The following NFX1 variants were observed in gnomAD, a reference collection of about 807,000 sequenced individuals.
NFX1 encodes the protein transcriptional repressor NF-X1.
NFX1 carries 69 observed loss-of-function variants against 137.2 expected under a neutral mutation model. The ratio of observed to expected loss-of-function variants is 0.50; its 90% CI spans 0.41 to 0.61. The LOEUF (loss-of-function observed/expected upper bound fraction) is 0.61. Among genes scored for constraint, NFX1 ranks in the 20% least tolerant of loss-of-function variants. NFX1 has a pLI of 0.00. For missense variants in NFX1, 1,167 were observed against 1,391.0 expected (o/e 0.84, Z 2.56); for synonymous variants, 495 against 474.1 (o/e 1.04, Z -0.57).
At chr9:33,364,580 A>T in intron 20 of NFX1, 128 bp from the exon 21 acceptor site, 1 of 1,067,494 alleles carries the variant, frequency 9.4e-7, no homozygotes, top group Non-Finnish European at 1.3e-6. Flanking sequence ...GTTTTCTGAC[A>T]ATTCCTGATC....
At chr9:33,329,644 C>CT (rs58553141) in intron 10 of NFX1, among the ~76,000 whole-genome samples, 6 of 146,422 alleles carry the variant, frequency 4.1e-5, no homozygotes, top group Admixed American at 1.4e-4. Flanking sequence ...TTTTATTTTT[C>CT]TTTTTTTTTT....
In NFX1 at chr9:33,295,305, A is replaced by G. The variant is rs913856893; in HGVS notation, c.911A>G (p.Asn304Ser). ...GACAGTGAGAACTTGGCAGTCATCA[A>G]CAAGTCTTCCAGGAGGGTTGACCAA... ...TCDSENLAVI[N>S]KSSRRVDQEK... Residue 304 changes from asparagine to serine, a missense_variant, in exon 2 of 24, where the codon AAC (asparagine) becomes AGC (serine). Physicochemically the swap from Asn to Ser is conservative, Grantham distance 46. Around this residue, in one of 3 missense-constraint regions of NFX1, gnomAD observed 367 missense variants for 386.7 expected, o/e 0.95. Transcript: ENST00000379540. 1.5e-5 allele frequency: 25 copies of G among 1,614,100 alleles called. No homozygotes were observed. The highest frequency in any genetic ancestry group is 2.1e-5 in the Non-Finnish European group (25 of 1,180,036).
chr9:33,338,040 C>CA lies in NFX1; in HGVS notation c.2036-470_2036-469insA, dbSNP rs1823074198. 2.7e-5 allele frequency among the ~76,000 whole-genome samples: 4 copies of CA among 150,176 alleles called. No homozygotes were observed. The South Asian group carries it at 8.4e-4, about 32-fold the overall frequency. On this transcript the variant is annotated intron_variant, in intron 11 of 23. Transcript: ENST00000379540. The stretch of plus-strand genomic sequence containing the variant: ...CTCCAGCCTGGGCAGCAGAGTGAGA[C>CA]CCTGTCTCAGAAAAAAAAAAAGAAA...
In NFX1 at chr9:33,303,321, A is replaced by G. The variant is rs1821640593; in HGVS notation, c.1270+53A>G. Reference sequence around the variant, plus strand: ...TCTTTTACTACATACATTGTACCTCAGTTCAGGAAAGGTGGTCTGCGGGGC... The same window carrying G: ...TCTTTTACTACATACATTGTACCTCGGTTCAGGAAAGGTGGTCTGCGGGGC... On this transcript the variant is annotated intron_variant, in intron 4 of 23. Transcript: ENST00000379540. 3 of 1,481,264 alleles carry G rather than the reference A, an allele frequency of 2.0e-6. No homozygotes were observed. The African/African-American group carries it at 4.2e-5, about 21-fold the overall frequency. 91.8% of individuals were successfully genotyped at this position (1,481,264 alleles called of 1,614,324 possible). A position where few individuals can be genotyped will look rare whatever the true frequency, so the allele number is the denominator to read the frequency against.
intron 11 of NFX1, among the ~76,000 whole-genome samples, chr9:33,336,900 A>C (rs2118532258): frequency 6.6e-6 from 1 of 152,306 alleles, no homozygotes; most frequent in African/African-American, 2.4e-5. Context: ...TCAGGAGTTC[A>C]AGACTAGCCT....
chr9:33,340,258 AT>A, intron 12 of NFX1, among the ~76,000 whole-genome samples: 1 of 152,330 alleles, frequency 6.6e-6, no homozygotes, highest in South Asian at 2.1e-4. Context: ...AACCTCAGTT[AT>A]TGATTTCTGT....
chr9:33,362,521 A>C (rs948102513), intron 19 of NFX1, among the ~76,000 whole-genome samples: 17 of 152,266 alleles, frequency 1.1e-4, no homozygotes, highest in African/African-American at 4.1e-4. Context: ...ACAGAAAGAC[A>C]GACACCACAC....
intron 19 of NFX1, among the ~76,000 whole-genome samples, chr9:33,362,191 C>T (rs1376347766): frequency 1.3e-5 from 2 of 150,362 alleles, no homozygotes; most frequent in Non-Finnish European, 3.0e-5. Flanking sequence ...TAAATTAGTA[C>T]AGCCACTATG....
intron 7 of NFX1, among the ~76,000 whole-genome samples, chr9:33,314,904 T>C (rs535098009): frequency 1.2e-4 from 18 of 152,224 alleles, no homozygotes; most frequent in African/African-American, 4.1e-4. Context: ...TGTAAAATAT[T>C]TGTGTTTATT....
intron 19 of NFX1, among the ~76,000 whole-genome samples, chr9:33,359,205 C>A (rs1001986466): frequency 4.6e-5 from 7 of 150,546 alleles, no homozygotes; most frequent in Non-Finnish European, 1.0e-4. Flanking sequence ...TTTCTTTTAT[C>A]TTTTTTCCTT....
In NFX1 at chr9:33,364,075, C is replaced by A; in HGVS notation, c.2939C>A (p.Ser980Ter). 1.2e-6 allele frequency: 2 copies of A among 1,603,734 alleles called. No individual in the cohort carries two copies. Among genetic ancestry groups the A allele is most frequent in the African/African-American group, 1.3e-5 (1 of 74,444 alleles). The change falls in exon 20 of 24, where the codon TCA becomes TAA. Residue 980 changes from serine to a stop codon, truncating the protein, a stop_gained. Transcript: ENST00000379540. LOFTEE classifies it high-confidence loss of function. ...CCTTTCAATATACGTTCTTCAGGGT[C>A]AAAATTCAGTGATAGTTTGAAAGAA... ...SDPFNIRSSG[S>*]KFSDSLKEDA...
intron 23 of NFX1, among the ~76,000 whole-genome samples, chr9:33,368,398 C>T (rs141576953): frequency 1.3e-5 from 2 of 152,188 alleles, no homozygotes; most frequent in Non-Finnish European, 2.9e-5. Context: ...GAAAAGAAAA[C>T]CAAGTTGGCA....
Position 33,332,995 on chromosome 9 carries a change from A to G in NFX1, c.2035+493A>G, listed in dbSNP as rs142345056. Reference sequence around the variant, plus strand: ...CAAGTAGCTGGGATTACAGGTGTCCACCACTACACCTGGCTGATTTTTGTA... The same window carrying G: ...CAAGTAGCTGGGATTACAGGTGTCCGCCACTACACCTGGCTGATTTTTGTA... On this transcript the variant is annotated intron_variant, in intron 11 of 23. Transcript: ENST00000379540. 3.1e-3 allele frequency among the ~76,000 whole-genome samples: 474 copies of G among 152,236 alleles called. 3 individuals carry two copies. The highest frequency in any genetic ancestry group is 0.011 in the African/African-American group (448 of 41,526).
chr9:33,343,804 T>C (rs2118583834), intron 13 of NFX1, among the ~76,000 whole-genome samples: 1 of 152,336 alleles, frequency 6.6e-6, no homozygotes, highest in Middle Eastern at 3.4e-3. Flanking sequence ...ATCTCCAGTC[T>C]AGAAATATGT....
At chr9:33,317,426 AAAAAAAAAAGAAAGAAAG>A (rs1564115325) in intron 7 of NFX1, among the ~76,000 whole-genome samples, 1 of 150,052 alleles carries the variant, frequency 6.7e-6, no homozygotes. Flanking sequence ...CTCCAAAAAA[AAAAAAAAAAGAAAGAAAG>A]AAAAGAAAAG....
chr9:33,299,919 G>A (rs557163928), intron 2 of NFX1, among the ~76,000 whole-genome samples: 1 of 152,094 alleles, frequency 6.6e-6, no homozygotes, highest in East Asian at 1.9e-4. Context: ...CCAATATTAT[G>A]GAATATTACA....
At chr9:33,336,170 T>A (rs1333220573) in intron 11 of NFX1, among the ~76,000 whole-genome samples, 2 of 152,188 alleles carry the variant, frequency 1.3e-5, no homozygotes, top group African/African-American at 2.4e-5. Context: ...TATGAGGGTT[T>A]CATTTTCTCC....
chr9:33,305,192 G>A (rs1198746725), intron 4 of NFX1, among the ~76,000 whole-genome samples: 1 of 152,222 alleles, frequency 6.6e-6, no homozygotes, highest in East Asian at 1.9e-4. Context: ...CAATTAGCCT[G>A]ATACTCTGCT....
chr9:33,313,875 G>C, intron 7 of NFX1, 82 bp downstream of exon 7: 19 of 1,434,398 alleles, frequency 1.3e-5, no homozygotes, highest in Non-Finnish European at 1.7e-5. Context: ...AACTTTGATT[G>C]GTGTCAGACT....
Sources: allele counts gnomAD v4.1 joint callset (sites outside exome capture counted in the v4.1 genomes callset), GRCh38; gene constraint gnomAD v4.1.1; regional missense constraint gnomAD v4.1.1; transcripts MANE v1.5; gene names NCBI Gene and HGNC (gene_info 2026-07-23, HGNC 2026-07-21).